The following GPRIN3 variants were observed in gnomAD, a reference collection of about 807,000 sequenced individuals.
The protein encoded by GPRIN3 is G protein-regulated inducer of neurite outgrowth 3.
Under a neutral mutation model 13.7 loss-of-function variants are expected in GPRIN3, and 12 were observed. That is an observed-to-expected ratio of 0.87 (90% CI 0.56 to 1.42). GPRIN3 has a LOEUF of 1.42. GPRIN3 is among the 40% of genes most tolerant of loss of function. The pLI, the probability that GPRIN3 is intolerant of heterozygous loss-of-function variation, is 0.00. For synonymous variants in GPRIN3, 377 were observed against 372.7 expected (o/e 1.01, Z -0.13); for missense variants, 1,009 against 958.7 (o/e 1.05, Z -0.69).
intron 1 of GPRIN3, among the ~76,000 whole-genome samples, chr4:89,301,559 AAAGAG>A (rs1256120279): frequency 6.6e-6 from 1 of 152,254 alleles, no homozygotes; most frequent in Non-Finnish European, 1.5e-5. Flanking sequence ...CATTATAAAG[AAAGAG>A]AAGAGTCTCC....
At chr4:89,252,956 AT>A (rs887178150) in intron 1 of GPRIN3, among the ~76,000 whole-genome samples, 5 of 131,946 alleles carry the variant, frequency 3.8e-5, no homozygotes, top group Non-Finnish European at 8.0e-5. Context: ...CTTAAATCCC[AT>A]TTTTTTTCTG....
chr4:89,268,750 C>A (rs916176209), intron 1 of GPRIN3, among the ~76,000 whole-genome samples: 1 of 152,164 alleles, frequency 6.6e-6, no homozygotes, highest in Admixed American at 6.6e-5. Flanking sequence ...TGGTTGTGTT[C>A]ATCTCTTTCC....
chr4:89,279,368 G>A (rs934319254), intron 1 of GPRIN3, among the ~76,000 whole-genome samples: 19 of 152,058 alleles, frequency 1.2e-4, no homozygotes, highest in Admixed American at 3.3e-4. Flanking sequence ...GCTCTATAGA[G>A]CCCATGTGTT....
chr4:89,293,224 C>A (rs1227393026), intron 1 of GPRIN3, among the ~76,000 whole-genome samples: 2 of 152,210 alleles, frequency 1.3e-5, no homozygotes, highest in South Asian at 4.1e-4. Flanking sequence ...GGACTTCCTG[C>A]AGAAATGACT....
chr4:89,294,226 C>T (rs1272475444), intron 1 of GPRIN3, among the ~76,000 whole-genome samples: 4 of 152,140 alleles, frequency 2.6e-5, no homozygotes. Flanking sequence ...AAAGTTATGT[C>T]ACTCATGATG....
Position 89,245,833 on chromosome 4 carries a change from T to C in GPRIN3, c.*1947A>G, listed in dbSNP as rs1287083028. The C allele has an allele frequency of 6.9e-6, 1 of 144,214 alleles. No individual in the cohort carries two copies. Among genetic ancestry groups the C allele is most frequent in the African/African-American group, 2.6e-5 (1 of 38,058 alleles). 8.9% of individuals were successfully genotyped at this position (144,214 alleles called of 1,614,324 possible). A position where few individuals can be genotyped will look rare whatever the true frequency, so the allele number is the denominator to read the frequency against. The stretch of plus-strand genomic sequence containing the variant: ...GTTAGGCTAAATCTCTAATCATTAA[T>C]AGTAATTTGCTTGGTAATTTGATGG... On this transcript the variant is annotated 3_prime_UTR_variant, in exon 2 of 2. Coordinates refer to ENST00000609438, the MANE Select transcript of GPRIN3 (RefSeq NM_198281.3).
intron 1 of GPRIN3, among the ~76,000 whole-genome samples, chr4:89,270,534 T>C (rs1488529146): frequency 7.4e-6 from 1 of 135,090 alleles, no homozygotes; most frequent in African/African-American, 2.9e-5. Flanking sequence ...ATCTCTCATA[T>C]ATATTATATA....
chr4:89,270,575 A>ATATATATATTTATATATGTATATAATT (rs1553951338), intron 1 of GPRIN3, among the ~76,000 whole-genome samples: 1 of 97,382 alleles, frequency 1.0e-5, no homozygotes, highest in African/African-American at 6.3e-5. Flanking sequence ...TTATATATAT[A>ATATATATATTTATATATGTATATAATT]TATATATATA....
At chr4:89,267,335 AT>A (rs1454951650) in intron 1 of GPRIN3, among the ~76,000 whole-genome samples, 2 of 152,246 alleles carry the variant, frequency 1.3e-5, no homozygotes, top group East Asian at 3.9e-4. Context: ...CACTCTCTGG[AT>A]TTTCCAATAT....
At chr4:89,282,675 A>C (rs1578103867) in intron 1 of GPRIN3, among the ~76,000 whole-genome samples, 2 of 150,758 alleles carry the variant, frequency 1.3e-5, no homozygotes, top group South Asian at 4.2e-4. Context: ...TTCCAGCGTG[A>C]CCCAGGGAAG....
rs1722947841 is a variant in GPRIN3 at position 89,241,582 on chromosome 4, A to G, written c.*6198T>C. The G allele has an allele frequency of 6.6e-6, 1 of 152,222 alleles. No individual in the cohort carries two copies. The highest frequency in any genetic ancestry group is 1.5e-5 in the Non-Finnish European group (1 of 68,022). 9.4% of individuals were successfully genotyped at this position (152,222 alleles called of 1,614,324 possible). The stretch of plus-strand genomic sequence containing the variant: ...ACCTTTTTCAACCTTAATAAAAGGT[A>G]TCTCCAGGGGCCCTTAAAACAAGAA... On this transcript the variant is annotated 3_prime_UTR_variant, in exon 2 of 2. Transcript: ENST00000609438.
chr4:89,293,997 T>G (rs986834632), intron 1 of GPRIN3, among the ~76,000 whole-genome samples: 2 of 152,250 alleles, frequency 1.3e-5, no homozygotes, highest in Non-Finnish European at 2.9e-5. Flanking sequence ...AGCCTAAGTA[T>G]GTTATTTTAT....
intron 1 of GPRIN3, among the ~76,000 whole-genome samples, chr4:89,279,645 C>T (rs901363380): frequency 6.6e-6 from 1 of 152,242 alleles, no homozygotes; most frequent in Non-Finnish European, 1.5e-5. Flanking sequence ...AACAAATGAA[C>T]ACGTTTCTCT....
Position 89,283,335 on chromosome 4 carries a change from T to A in GPRIN3, c.-124+24280A>T, listed in dbSNP as rs368375124. Reference sequence around the variant, plus strand: ...AGCTCACATCCACTGGGCAGAAAGGTGATTTCATTGCTACAGATTTCAATG... The same window carrying A: ...AGCTCACATCCACTGGGCAGAAAGGAGATTTCATTGCTACAGATTTCAATG... On this transcript the variant is annotated intron_variant, in intron 1 of 1. Transcript: ENST00000609438. Among the ~76,000 whole-genome samples, 5 of 152,100 alleles carry A rather than the reference T, an allele frequency of 3.3e-5. No homozygotes were observed. The East Asian group carries it at 9.6e-4, about 29-fold the overall frequency.
rs532754351 is a variant in GPRIN3 at position 89,250,188 on chromosome 4, C to A, written c.-78G>T. 1.0e-5 allele frequency: 16 copies of A among 1,526,338 alleles called. No homozygotes were observed. The African/African-American group carries it at 2.1e-4, about 20-fold the overall frequency. The allele number at this position is 1,526,338 out of a possible 1,614,324, so 94.5% of individuals were successfully genotyped here. A position where few individuals can be genotyped will look rare whatever the true frequency, so the allele number is the denominator to read the frequency against. Reference sequence around the variant, plus strand: ...GTGGGGGAGGGGAGCGCAGTCAGAGCTCAGAGTGATGACACAGTCAGGGAT... The same window carrying A: ...GTGGGGGAGGGGAGCGCAGTCAGAGATCAGAGTGATGACACAGTCAGGGAT... On this transcript the variant is annotated 5_prime_UTR_variant, in exon 2 of 2. Coordinates refer to ENST00000609438, the MANE Select transcript of GPRIN3 (RefSeq NM_198281.3).
At chr4:89,293,149 G>A (rs997454632) in intron 1 of GPRIN3, among the ~76,000 whole-genome samples, 2 of 152,196 alleles carry the variant, frequency 1.3e-5, no homozygotes, top group African/African-American at 4.8e-5. Flanking sequence ...CTTAAACATA[G>A]TTCATGAGCA....
intron 1 of GPRIN3, among the ~76,000 whole-genome samples, chr4:89,252,089 C>T (rs1189006051): frequency 6.6e-6 from 1 of 151,924 alleles, no homozygotes; most frequent in Non-Finnish European, 1.5e-5. Context: ...CTTCCCACCT[C>T]GGCCTCCCAA....
At chr4:89,259,066 A>G (rs17015298) in intron 1 of GPRIN3, among the ~76,000 whole-genome samples, 3,375 of 152,312 alleles carry the variant, frequency 0.022, 112 homozygotes, top group African/African-American at 0.07. Context: ...TCCATCTTAC[A>G]TGGTCCAACA....
chr4:89,240,982 T>C lies in GPRIN3; in HGVS notation c.*6798A>G, dbSNP rs1722907388. The stretch of plus-strand genomic sequence containing the variant: ...CTGCTTTGAGGATTTAGATAATTCA[T>C]ACAAGGTATGTACACAATCACACCC... On this transcript the variant is annotated 3_prime_UTR_variant, in exon 2 of 2. Transcript: ENST00000609438. 6.6e-6 allele frequency: 1 copy of C among 152,218 alleles called. No individual in the cohort carries two copies. 9.4% of individuals were successfully genotyped at this position (152,218 alleles called of 1,614,324 possible).
Sources: gnomAD v4.1 joint callset for allele counts (sites outside exome capture counted in the v4.1 genomes callset) on GRCh38, gnomAD v4.1.1 for gene constraint, MANE v1.5 for transcripts, NCBI Gene and HGNC (gene_info 2026-07-23, HGNC 2026-07-21) for gene names.